The following PCSK2 variants were observed in gnomAD, a reference collection of about 807,000 sequenced individuals.
PCSK2 encodes the protein neuroendocrine convertase 2.
Under a neutral mutation model 69.7 loss-of-function variants are expected in PCSK2, and 14 were observed. The observed-to-expected ratio is 0.20, with a 90% CI of 0.13 to 0.31. The LOEUF is 0.31. PCSK2 is among the 10% of genes least tolerant of loss of function. PCSK2 has a pLI of 1.00. For synonymous variants in PCSK2, 307 were observed against 320.7 expected, an observed-to-expected ratio of 0.96 and a Z score of 0.46; for missense variants, 544 against 842.5, an observed-to-expected ratio of 0.65 and a Z score of 4.39.
chr20:17,266,853 A>C (rs1253931813), intron 2 of PCSK2, among the ~76,000 whole-genome samples: 2 of 152,146 alleles, frequency 1.3e-5, no homozygotes, highest in African/African-American at 4.8e-5. Flanking sequence ...AGTCTTAGGT[A>C]AATCACGTCC....
intron 5 of PCSK2, among the ~76,000 whole-genome samples, chr20:17,399,408 A>T (rs1416090984): frequency 6.6e-6 from 1 of 152,238 alleles, no homozygotes; most frequent in Admixed American, 6.5e-5. Flanking sequence ...ACATAAACAA[A>T]TGTATTTTAA....
At chr20:17,244,898 C>T (rs1051708806) in intron 1 of PCSK2, among the ~76,000 whole-genome samples, 11 of 152,184 alleles carry the variant, frequency 7.2e-5, no homozygotes, top group African/African-American at 2.4e-4. Context: ...TGGGCACGGG[C>T]GGTGGCCTCT....
chr20:17,396,242 C>T (rs1458099074), intron 5 of PCSK2, among the ~76,000 whole-genome samples: 1 of 152,212 alleles, frequency 6.6e-6, no homozygotes, highest in Non-Finnish European at 1.5e-5. Flanking sequence ...CTTGACTGTA[C>T]ACCCAGTCTT....
chr20:17,450,186 G>A (rs919834918), intron 8 of PCSK2, among the ~76,000 whole-genome samples: 7 of 151,690 alleles, frequency 4.6e-5, no homozygotes, highest in Admixed American at 6.6e-5. Context: ...CCGCCACCTC[G>A]CCCGGCTAAT....
At chr20:17,464,179 G>C (rs1828083477) in intron 10 of PCSK2, 1 of 152,128 alleles carries the variant, frequency 6.6e-6, no homozygotes, top group African/African-American at 2.4e-5. Flanking sequence ...CAGAGATTCT[G>C]ATTTACTTGG....
chr20:17,231,971 C>T (rs949151915), intron 1 of PCSK2, among the ~76,000 whole-genome samples: 2 of 152,184 alleles, frequency 1.3e-5, no homozygotes, highest in Non-Finnish European at 2.9e-5. Flanking sequence ...AGGAAGAGCC[C>T]ACTCTCCTTG....
chr20:17,433,473 T>G lies in PCSK2; in HGVS notation c.710-3235T>G, dbSNP rs535089663. On this transcript the variant is annotated intron_variant, in intron 7 of 11. Transcript: ENST00000262545. The stretch of plus-strand genomic sequence containing the variant: ...CCGAAGTTTGTGGGCAGATGTAGTA[T>G]TTACTGGAGGCAGGGACAGGCACAC... Among the ~76,000 whole-genome samples the G allele has an allele frequency of 1.1e-4, 17 of 152,314 alleles. 1 individual carries two copies. In the East Asian group the frequency reaches 3.3e-3, roughly 29 times the overall value.
intron 2 of PCSK2, among the ~76,000 whole-genome samples, chr20:17,339,014 T>C (rs1990434355): frequency 6.6e-6 from 1 of 152,224 alleles, no homozygotes; most frequent in Non-Finnish European, 1.5e-5. Flanking sequence ...GAATCCCGTC[T>C]AGTTTTCATT....
chr20:17,321,005 C>T (rs547857092), intron 2 of PCSK2, among the ~76,000 whole-genome samples: 2 of 152,264 alleles, frequency 1.3e-5, no homozygotes, highest in South Asian at 2.1e-4. Context: ...ACAGCCCTGT[C>T]GGTTATTTCT....
chr20:17,416,669 TG>T (rs1338420739), intron 6 of PCSK2, among the ~76,000 whole-genome samples: 4 of 152,204 alleles, frequency 2.6e-5, no homozygotes, highest in Admixed American at 6.5e-5. Flanking sequence ...ATCCAACTAC[TG>T]GATATATACC....
In PCSK2 at chr20:17,227,274, C is replaced by T. The variant is rs772539591; in HGVS notation, c.-32C>T. The T allele has an allele frequency of 6.3e-7, 1 of 1,593,370 alleles. No individual in the cohort carries two copies. The highest frequency in any genetic ancestry group is 8.6e-7 in the Non-Finnish European group (1 of 1,163,020). On this transcript the variant is annotated 5_prime_UTR_variant, in exon 1 of 12. Transcript: ENST00000262545. ...TCCCCTGCTCCGCCAGCCTGCGCGC[C>T]TCCTAGCACCACTTTTCACTCCCAA...
chr20:17,362,238 T>C (rs2030419539), intron 4 of PCSK2, among the ~76,000 whole-genome samples: 1 of 152,242 alleles, frequency 6.6e-6, no homozygotes, highest in African/African-American at 2.4e-5. Context: ...TCTCATTTGA[T>C]GTTCTTTCTT....
intron 1 of PCSK2, among the ~76,000 whole-genome samples, chr20:17,254,654 T>C (rs1246160293): frequency 6.6e-6 from 1 of 152,244 alleles, no homozygotes; most frequent in African/African-American, 2.4e-5. Context: ...AACTTTGTTC[T>C]TCTTTATTAA....
At chr20:17,266,725 G>A (rs527793507) in intron 2 of PCSK2, among the ~76,000 whole-genome samples, 40 of 152,246 alleles carry the variant, frequency 2.6e-4, no homozygotes, top group Admixed American at 9.2e-4. Flanking sequence ...CAATTTTACA[G>A]GAAACTCAGA....
At chr20:17,241,418 C>A (rs75261959) in intron 1 of PCSK2, among the ~76,000 whole-genome samples, 5,968 of 152,160 alleles carry the variant, frequency 0.039, 383 homozygotes, top group African/African-American at 0.13. Flanking sequence ...AAGGAGGCAT[C>A]GAAGGGTACT....
Position 17,477,298 on chromosome 20 carries a change from A to C in PCSK2, c.1431-4286A>C, listed in dbSNP as rs1028146859. Among the ~76,000 whole-genome samples, 38 of 152,154 alleles carry C rather than the reference A, an allele frequency of 2.5e-4. 1 individual carries two copies. Among genetic ancestry groups the C allele is most frequent in the African/African-American group, 9.2e-4 (38 of 41,408 alleles). On this transcript the variant is annotated intron_variant, in intron 11 of 11. Coordinates refer to ENST00000262545, the MANE Select transcript of PCSK2 (RefSeq NM_002594.5). ...AGGCAATGGGCCAGTACATGTGCCA[A>C]GCATTGTGCCTGGTATTTTATTTTA... is the stretch of plus-strand genomic sequence containing the variant.
intron 8 of PCSK2, among the ~76,000 whole-genome samples, chr20:17,448,737 A>G (rs1459697399): frequency 6.6e-6 from 1 of 152,076 alleles, no homozygotes; most frequent in Non-Finnish European, 1.5e-5. Flanking sequence ...CTAGTTGAGA[A>G]CCAGGGTGGT....
At chr20:17,392,560 C>T (rs1449361148) in intron 5 of PCSK2, among the ~76,000 whole-genome samples, 1 of 152,116 alleles carries the variant, frequency 6.6e-6, no homozygotes, top group Admixed American at 6.6e-5. Context: ...GCAGAACATC[C>T]CCATCACCCA....
intron 1 of PCSK2, among the ~76,000 whole-genome samples, chr20:17,245,583 AC>A (rs1986740070): frequency 6.6e-6 from 1 of 152,112 alleles, no homozygotes; most frequent in South Asian, 2.1e-4. Flanking sequence ...CTTGGACCTG[AC>A]TACAGACCAA....
Sources: allele counts gnomAD v4.1 joint callset (sites outside exome capture counted in the v4.1 genomes callset), GRCh38; gene constraint gnomAD v4.1.1; transcripts MANE v1.5; gene names NCBI Gene and HGNC (gene_info 2026-07-23, HGNC 2026-07-21).